STAC: variants seen among roughly 807,000 people sequenced by gnomAD.
STAC encodes the protein SH3 and cysteine rich domain.
STAC carries 43 observed loss-of-function variants against 48.8 expected under a neutral mutation model. That is an observed-to-expected ratio of 0.88 (90% confidence interval 0.69 to 1.14). The LOEUF (loss-of-function observed/expected upper bound fraction) is 1.14, where lower values mean the gene tolerates loss of function less well. Ranked by LOEUF, STAC falls within the 50% of genes most tolerant of loss-of-function variation. The pLI is 0.00. For missense variants in STAC, 497 were observed against 504.0 expected (o/e 0.99, Z 0.13); for synonymous variants, 193 against 179.5 (o/e 1.07, Z -0.60).
In STAC at chr3:36,523,437, C is replaced by A. The variant is rs184388918; in HGVS notation, c.921-5259C>A. ...ATACAATTGTGGATTACAATGTAAG[C>A]AAAACCTTTACCTGAATGTACAATG... On this transcript the variant is annotated intron_variant, in intron 8 of 10. Coordinates refer to ENST00000273183, the MANE Select transcript of STAC (RefSeq NM_003149.3). Among the ~76,000 whole-genome samples the A allele has an allele frequency of 5.9e-5, 9 of 152,302 alleles. No homozygotes were observed. In the East Asian group the frequency reaches 1.7e-3, roughly 29 times the overall value.
Position 36,528,916 on chromosome 3 carries a change from G to T in STAC, c.1041G>T (p.Lys347Asn), listed in dbSNP as rs1222948093. 4.3e-6 allele frequency: 7 copies of T among 1,613,642 alleles called. No homozygotes were observed. The highest frequency in any genetic ancestry group is 5.9e-6 in the Non-Finnish European group (7 of 1,179,868). ...TTCAGAGACTACAACAAAATGAGAAGATTTTTAGATGTGTTAGAACCTTCA... is the reference window on the plus strand; with the variant it reads ...TTCAGAGACTACAACAAAATGAGAATATTTTTAGATGTGTTAGAACCTTCA... ...NFVQRLQQNE[K>N]IFRCVRTFIG... The change falls in exon 10 of 11, where the codon AAG becomes AAT. Residue 347 changes from lysine to asparagine, a missense_variant. Lys to Asn is a moderately conservative substitution (Grantham distance 94, BLOSUM62 0). Coordinates refer to ENST00000273183, the MANE Select transcript of STAC (RefSeq NM_003149.3).
At chr3:36,451,191 A>T (rs1696667830) in intron 2 of STAC, among the ~76,000 whole-genome samples, 1 of 152,002 alleles carries the variant, frequency 6.6e-6, no homozygotes, top group Non-Finnish European at 1.5e-5. Context: ...ATAGCTTCTC[A>T]TCTTTCGGCA....
chr3:36,454,981 T>C (rs1176381862), intron 2 of STAC, among the ~76,000 whole-genome samples: 1 of 152,174 alleles, frequency 6.6e-6, no homozygotes, highest in Non-Finnish European at 1.5e-5. Context: ...AAAAAGAGAC[T>C]TGTATTGTAG....
intron 10 of STAC, among the ~76,000 whole-genome samples, chr3:36,532,079 C>T (rs2125735201): frequency 6.6e-6 from 1 of 152,256 alleles, no homozygotes; most frequent in South Asian, 2.1e-4. Context: ...TGGGCCTCAA[C>T]TTTGCACATG....
intron 1 of STAC, 111 bp downstream of exon 1, chr3:36,380,865 G>A (rs898195166): frequency 3.0e-6 from 2 of 660,792 alleles, no homozygotes; most frequent in African/African-American, 1.9e-5. Context: ...AGACTTGCTA[G>A]TTAGCCCAGG....
At chr3:36,545,779 A>G (rs2125507912) in intron 10 of STAC, among the ~76,000 whole-genome samples, 1 of 152,306 alleles carries the variant, frequency 6.6e-6, no homozygotes, top group African/African-American at 2.4e-5. Flanking sequence ...TTCTGAGCAC[A>G]TGACAGGAGT....
chr3:36,451,962 G>A (rs1696696384), intron 2 of STAC, among the ~76,000 whole-genome samples: 1 of 152,202 alleles, frequency 6.6e-6, no homozygotes, highest in East Asian at 1.9e-4. Context: ...TTGGTGAGCA[G>A]AGATTAACTC....
intron 6 of STAC, among the ~76,000 whole-genome samples, chr3:36,493,954 T>A (rs1444234582): frequency 6.6e-6 from 1 of 150,910 alleles, no homozygotes; most frequent in African/African-American, 2.4e-5. Context: ...ATCGAGACCA[T>A]CCTGGCTAAC....
At chr3:36,436,767 T>A (rs556539578) in intron 1 of STAC, among the ~76,000 whole-genome samples, 1 of 152,110 alleles carries the variant, frequency 6.6e-6, no homozygotes, top group African/African-American at 2.4e-5. Context: ...ACCTTAAAAT[T>A]GACAAATGGG....
intron 1 of STAC, among the ~76,000 whole-genome samples, chr3:36,429,462 G>A (rs1700639828): frequency 6.6e-6 from 1 of 152,156 alleles, no homozygotes. Context: ...GGAGACCTGG[G>A]AGTGGTGGGG....
At chr3:36,473,829 C>T (rs1216760838) in intron 2 of STAC, among the ~76,000 whole-genome samples, 10 of 152,106 alleles carry the variant, frequency 6.6e-5, no homozygotes, top group Non-Finnish European at 1.5e-4. Context: ...CTCTTCGAAG[C>T]TTTTAAAAGA....
chr3:36,492,795 C>G (rs973245727), intron 5 of STAC, among the ~76,000 whole-genome samples: 1 of 152,146 alleles, frequency 6.6e-6, no homozygotes, highest in South Asian at 2.1e-4. Flanking sequence ...AAAGAGCTAG[C>G]GTTTTATTGA....
At chr3:36,445,278 G>A (rs1312589663) in intron 2 of STAC, among the ~76,000 whole-genome samples, 1 of 152,158 alleles carries the variant, frequency 6.6e-6, no homozygotes, top group Non-Finnish European at 1.5e-5. Context: ...ATGCTAAAGA[G>A]AGTTGCACTG....
At chr3:36,461,073 T>G (rs1697003855) in intron 2 of STAC, among the ~76,000 whole-genome samples, 1 of 152,228 alleles carries the variant, frequency 6.6e-6, no homozygotes, top group Non-Finnish European at 1.5e-5. Context: ...CATCTTGGTG[T>G]GTGCCCTGCT....
rs73827525 is a variant in STAC at position 36,477,512 on chromosome 3, G to A, written c.389-5480G>A. On this transcript the variant is annotated intron_variant, in intron 2 of 10. Coordinates refer to ENST00000273183, the MANE Select transcript of STAC (RefSeq NM_003149.3). ...AAAAAGTTGATGCATGCTATTTAGT[G>A]TAGTAGGTTCAGCCACCAGCACTGA... is the stretch of plus-strand genomic sequence containing the variant. Among the ~76,000 whole-genome samples, 428 of 151,962 alleles carry A rather than the reference G, an allele frequency of 2.8e-3. 1 individual carries two copies. Among genetic ancestry groups the A allele is most frequent in the African/African-American group, 9.8e-3 (406 of 41,472 alleles).
At chr3:36,462,765 A>T (rs914700686) in intron 2 of STAC, among the ~76,000 whole-genome samples, 4 of 152,170 alleles carry the variant, frequency 2.6e-5, no homozygotes, top group Non-Finnish European at 4.4e-5. Flanking sequence ...AGTAACCTTG[A>T]TGAGAGCAAT....
chr3:36,443,332 G>C lies in STAC; in HGVS notation c.112-32G>C. On this transcript the variant is annotated intron_variant, in intron 1 of 10. Transcript: ENST00000273183. The surrounding 1 kb of genome is among the most constrained non-coding windows in gnomAD (Gnocchi z 4.2). ...CCTAGGTCTGCTTGATCCATTGATC[G>C]TAAGAGAGACTGTTCTGTCATTGCA... 5 of 1,612,664 alleles carry C rather than the reference G, an allele frequency of 3.1e-6. No homozygotes were observed. The highest frequency in any genetic ancestry group is 3.3e-5 in the Admixed American group (2 of 59,978).
chr3:36,486,376 T>G, intron 5 of STAC, 127 bp downstream of exon 5: 1 of 733,150 alleles, frequency 1.4e-6, no homozygotes, highest in Non-Finnish European at 2.2e-6. Context: ...GTCAGGCACC[T>G]GCCAAAGAGA....
At chr3:36,524,931 G>A (rs185426847) in intron 8 of STAC, among the ~76,000 whole-genome samples, 250 of 152,264 alleles carry the variant, frequency 1.6e-3, no homozygotes, top group African/African-American at 5.7e-3. Context: ...AGAGCGTTTG[G>A]CTAATCTCAA....
Sources: allele counts gnomAD v4.1 joint callset (sites outside exome capture counted in the v4.1 genomes callset), GRCh38; gene constraint gnomAD v4.1.1; non-coding constraint Gnocchi (gnomAD v3.1); transcripts MANE v1.5; gene names NCBI Gene and HGNC (gene_info 2026-07-23, HGNC 2026-07-21).